TRPC5: variants seen among roughly 807,000 people sequenced by gnomAD.
The protein encoded by TRPC5 is transient receptor potential cation channel subfamily C member 5.
A neutral mutation model predicts 56.5 loss-of-function variants in TRPC5; 9 were observed. The observed-to-expected ratio is 0.16, with a 90% CI of 0.10 to 0.28. TRPC5 has a LOEUF of 0.28. Ranked by LOEUF, TRPC5 falls within the 10% of genes least tolerant of loss-of-function variation. The pLI, the probability that TRPC5 is intolerant of heterozygous loss-of-function variation, is 1.00. For missense variants in TRPC5, 469 were observed against 748.9 expected (o/e 0.63, Z 4.36); for synonymous variants, 282 against 278.5 (o/e 1.01, Z -0.13).
At chrX:111,962,278 T>C (rs1487238763) in intron 1 of TRPC5, among the ~76,000 whole-genome samples, 1 of 112,389 alleles carries the variant, frequency 8.9e-6, no homozygotes, top group Non-Finnish European at 1.9e-5. Context: ...TTTCTTCATG[T>C]ACAATGTATG....
intron 2 of TRPC5, among the ~76,000 whole-genome samples, chrX:111,919,426 T>A (rs1212380944): frequency 8.9e-6 from 1 of 112,200 alleles, no homozygotes; most frequent in Non-Finnish European, 1.9e-5. Context: ...CTGCTCACTC[T>A]TTAGGTCTGT....
intron 1 of TRPC5, among the ~76,000 whole-genome samples, chrX:112,011,782 C>T (rs985257016): frequency 3.6e-5 from 4 of 111,856 alleles, no homozygotes; most frequent in African/African-American, 1.3e-4. Flanking sequence ...AGCTGCCTCC[C>T]TGCACTGCAC....
At chrX:111,941,430 C>T (rs1603109636) in intron 2 of TRPC5, among the ~76,000 whole-genome samples, 1 of 112,252 alleles carries the variant, frequency 8.9e-6, no homozygotes, top group East Asian at 2.8e-4. Context: ...TCAATATCAA[C>T]AGTGTCTGCA....
In TRPC5 at chrX:111,771,589, T is replaced by A. The variant is rs1409260578; in HGVS notation, c.*4724A>T. Among the ~76,000 whole-genome samples, 1 of 110,793 alleles carries A rather than the reference T, an allele frequency of 9.0e-6. No individual in the cohort carries two copies. The highest frequency in any genetic ancestry group is 3.3e-5 in the African/African-American group (1 of 30,433). ...CTCTCACAAAGCACCCACTAACACC[T>A]CCTCTGGATCACCACACAAAAGATG... On this transcript the variant is annotated 3_prime_UTR_variant, in exon 11 of 11. Transcript: ENST00000262839.
At chrX:111,882,541 C>T (rs1924276537) in intron 3 of TRPC5, among the ~76,000 whole-genome samples, 2 of 113,094 alleles carry the variant, frequency 1.8e-5, no homozygotes, top group Admixed American at 1.9e-4. Flanking sequence ...AAGGCCAAGG[C>T]CAAGGTCTGG....
chrX:112,007,388 T>C (rs1193465673), intron 1 of TRPC5, among the ~76,000 whole-genome samples: 1 of 111,869 alleles, frequency 8.9e-6, no homozygotes, highest in African/African-American at 3.2e-5. Context: ...AAACTATGTT[T>C]TGTTTCCTCC....
intron 2 of TRPC5, among the ~76,000 whole-genome samples, chrX:111,938,365 C>G (rs1926663451): frequency 9.6e-6 from 1 of 103,773 alleles, no homozygotes; most frequent in Admixed American, 1.0e-4. Context: ...TTGCCCTGGC[C>G]AGAACTTCCA....
chrX:112,080,964 A>G (rs915886200), intron 1 of TRPC5, among the ~76,000 whole-genome samples: 2 of 112,432 alleles, frequency 1.8e-5, no homozygotes, highest in African/African-American at 3.2e-5. Flanking sequence ...AGCATTATCA[A>G]TTAGTCTATG....
At chrX:111,784,538 C>T (rs888949053) in intron 7 of TRPC5, among the ~76,000 whole-genome samples, 2 of 111,722 alleles carry the variant, frequency 1.8e-5, no homozygotes, top group African/African-American at 6.5e-5. Context: ...GCATTTCCAA[C>T]TGAGGTAACT....
chrX:111,827,878 T>G (rs1489296670), intron 7 of TRPC5, among the ~76,000 whole-genome samples: 5 of 111,188 alleles, frequency 4.5e-5, no homozygotes, highest in Admixed American at 9.6e-5. Flanking sequence ...CAACGGTCCA[T>G]GAGGCCCTAA....
Position 111,889,940 on chromosome X carries a change from G to A in TRPC5, c.900+22351C>T, listed in dbSNP as rs752590496. 2.7e-4 allele frequency among the ~76,000 whole-genome samples: 30 copies of A among 111,068 alleles called. No individual in the cohort carries two copies. In the South Asian group the frequency reaches 0.012, roughly 43 times the overall value. ...TCTACTGTAGGAACACTCTGGGAAC[G>A]ATAGTATGTAGGGATGACAATAATG... On this transcript the variant is annotated intron_variant, in intron 3 of 10. Transcript: ENST00000262839.
chrX:111,939,046 C>T (rs900536894), intron 2 of TRPC5, among the ~76,000 whole-genome samples: 4 of 111,572 alleles, frequency 3.6e-5, no homozygotes, highest in African/African-American at 6.5e-5. Context: ...CTGTTGTATG[C>T]GGCTTTTATT....
At chrX:111,898,251 TTATATATA>T (rs58112324) in intron 3 of TRPC5, among the ~76,000 whole-genome samples, 2,589 of 92,378 alleles carry the variant, frequency 0.028, 84 homozygotes, top group African/African-American at 0.095. Flanking sequence ...GTAGGGGTTC[TTATATATA>T]TATATATATA....
intron 1 of TRPC5, among the ~76,000 whole-genome samples, chrX:112,071,873 C>T (rs1381033987): frequency 1.8e-5 from 2 of 111,894 alleles, no homozygotes; most frequent in Non-Finnish European, 3.8e-5. Context: ...AATCCAATGG[C>T]TGCAGCTCTT....
chrX:111,843,922 G>A (rs930066243), intron 6 of TRPC5, among the ~76,000 whole-genome samples: 1 of 104,387 alleles, frequency 9.6e-6, no homozygotes, highest in Non-Finnish European at 2.0e-5. Flanking sequence ...GTGTGTGTAT[G>A]TGAGAGAGAG....
chrX:111,982,149 C>T (rs760950285), intron 1 of TRPC5, among the ~76,000 whole-genome samples: 3 of 112,113 alleles, frequency 2.7e-5, no homozygotes, highest in Non-Finnish European at 3.8e-5. Context: ...GTACAGCCTG[C>T]GGAACTGTGA....
rs753735549 is a variant in TRPC5 at position 111,888,693 on chromosome X, C to CAAAAA, written c.900+23593_900+23597dup. On this transcript the variant is annotated intron_variant, in intron 3 of 10. Coordinates refer to ENST00000262839, the MANE Select transcript of TRPC5 (RefSeq NM_012471.3). ...TGGGTGACAGAGCGAGACTCTATCT[C>CAAAAA]AAAAAAAAAAAAAAAAAAAAAAAAA... Among the ~76,000 whole-genome samples, 63 of 10,894 alleles carry CAAAAA rather than the reference C, an allele frequency of 5.8e-3. 1 individual carries two copies. Among genetic ancestry groups the CAAAAA allele is most frequent in the African/African-American group, 0.011 (50 of 4,469 alleles). 9.5% of individuals were successfully genotyped at this position (10,894 alleles called of 115,157 possible). A position where few individuals can be genotyped will look rare whatever the true frequency, so the allele number is the denominator to read the frequency against.
intron 7 of TRPC5, among the ~76,000 whole-genome samples, chrX:111,797,427 A>G (rs781084689): frequency 8.9e-6 from 1 of 112,225 alleles, no homozygotes; most frequent in African/African-American, 3.2e-5. Flanking sequence ...GATCCTAATC[A>G]GCTATTAATG....
At chrX:111,854,874 G>A (rs1923180132) in intron 3 of TRPC5, among the ~76,000 whole-genome samples, 1 of 111,511 alleles carries the variant, frequency 9.0e-6, no homozygotes, top group South Asian at 3.8e-4. Flanking sequence ...AAATATTTTG[G>A]GGCTGGCATT....
Sources: allele counts gnomAD v4.1 joint callset (sites outside exome capture counted in the v4.1 genomes callset), GRCh38; gene constraint gnomAD v4.1.1; transcripts MANE v1.5; gene names NCBI Gene and HGNC (gene_info 2026-07-23, HGNC 2026-07-21).